Variants in MTF2 observed in about 807,000 individuals in gnomAD.
The protein encoded by MTF2 is metal response element binding transcription factor 2, also known as metal-response element-binding transcription factor 2.
MTF2 carries 11 observed loss-of-function variants against 79.5 expected under a neutral mutation model. That is an observed-to-expected ratio of 0.14 (90% CI 0.09 to 0.23). The LOEUF (loss-of-function observed/expected upper bound fraction) is 0.23. Ranked by LOEUF, MTF2 falls within the 10% of genes least tolerant of loss-of-function variation. The probability of loss-of-function intolerance (pLI) is 1.00; values close to 1 mark genes in which losing one functional copy is unlikely to be tolerated. For synonymous variants in MTF2, 208 were observed against 232.8 expected (o/e 0.89, Z 0.97); for missense variants, 486 against 711.2 (o/e 0.68, Z 3.60).
chr1:93,120,869 A>T, intron 9 of MTF2, 197 bp downstream of exon 9: 1 of 1,271,052 alleles, frequency 7.9e-7, no homozygotes. Flanking sequence ...TTGCCTGTTG[A>T]CTCTGGAAAT....
chr1:93,081,162 G>T (rs892553786), intron 1 of MTF2: 2 of 152,128 alleles, frequency 1.3e-5, no homozygotes, highest in Admixed American at 1.3e-4. Context: ...AGAACTAGTT[G>T]TACAGAAATC....
chr1:93,128,295 C>T (rs1348661006), intron 10 of MTF2, among the ~76,000 whole-genome samples: 1 of 152,054 alleles, frequency 6.6e-6, no homozygotes, highest in African/African-American at 2.4e-5. Flanking sequence ...TGGTGGCTCA[C>T]ACCTGTAATC....
At chr1:93,110,725 G>A in intron 3 of MTF2, 99 bp downstream of exon 3, 1 of 972,662 alleles carries the variant, frequency 1.0e-6, no homozygotes. Flanking sequence ...AGTGTATTTA[G>A]ATAACTCAGT....
At chr1:93,111,135 A>G (rs910584386) in intron 3 of MTF2, among the ~76,000 whole-genome samples, 2 of 152,184 alleles carry the variant, frequency 1.3e-5, no homozygotes, top group African/African-American at 4.8e-5. Context: ...GAATGAAAGT[A>G]TGCCTTGGTT....
chr1:93,126,161 T>G (rs1656688314), intron 9 of MTF2, among the ~76,000 whole-genome samples: 1 of 150,714 alleles, frequency 6.6e-6, no homozygotes, highest in Non-Finnish European at 1.5e-5. Flanking sequence ...TTAACATGTT[T>G]TTTTTTTTTA....
chr1:93,101,230 G>A (rs1557546535), intron 1 of MTF2, among the ~76,000 whole-genome samples: 1 of 152,140 alleles, frequency 6.6e-6, no homozygotes, highest in Non-Finnish European at 1.5e-5. Flanking sequence ...GGTCTCAAGG[G>A]AAGAAACTTA....
Position 93,119,390 on chromosome 1 carries a change from A to G in MTF2, c.786A>G (p.Leu262=), listed in dbSNP as rs1318449426. ...CTGGACCAGAATACCTCAAACGTCT[A>G]CCATTACAGTGGTAAGTGTGGACCT... The part of the protein sequence containing the change: ...CSSGPEYLKR[L]PLQWVDIAHL... Residue 262 remains leucine (L), a synonymous_variant, in exon 8 of 15, where the codon CTA becomes CTG. Coordinates refer to ENST00000370298, the MANE Select transcript of MTF2 (RefSeq NM_007358.4). 8 of 1,602,860 alleles carry G rather than the reference A, an allele frequency of 5.0e-6. No individual in the cohort carries two copies. Among genetic ancestry groups the G allele is most frequent in the Non-Finnish European group, 6.0e-6 (7 of 1,175,100 alleles).
intron 1 of MTF2, among the ~76,000 whole-genome samples, chr1:93,083,124 G>A (rs1654674493): frequency 1.3e-5 from 2 of 152,182 alleles, no homozygotes; most frequent in African/African-American, 4.8e-5. Context: ...GGAGGCCTCA[G>A]GAAACTTCCT....
chr1:93,097,080 G>A (rs1046130399), intron 1 of MTF2, among the ~76,000 whole-genome samples: 1 of 151,926 alleles, frequency 6.6e-6, no homozygotes, highest in Admixed American at 6.6e-5. Context: ...AAGGTGCTGG[G>A]ATTACAGGCC....
chr1:93,101,568 G>GTTGTTTTTTTTTT (rs1655536351), intron 1 of MTF2, among the ~76,000 whole-genome samples: 2 of 25,398 alleles, frequency 7.9e-5, no homozygotes, highest in Non-Finnish European at 1.3e-4. Flanking sequence ...GCTCAGGCTG[G>GTTGTTTTTTTTTT]TTTTTTTTTT....
intron 1 of MTF2, among the ~76,000 whole-genome samples, chr1:93,082,108 A>G (rs1654629731): frequency 6.6e-6 from 1 of 152,196 alleles, no homozygotes; most frequent in Admixed American, 6.5e-5. Context: ...TTAAAATATA[A>G]GATTCTGCTT....
Position 93,134,120 on chromosome 1 carries a change from A to T in MTF2, c.1349A>T (p.Asn450Ile). ...GRTEGTAHSSNTSDVDFTGAS... is the reference protein window; with the variant it reads ...GRTEGTAHSSITSDVDFTGAS... ...ACTGAGGGAACTGCACATTCATCCA[A>T]TACCTCAGATGTGGATTTCACGGGT... The change falls in exon 14 of 15, where the codon AAT becomes ATT. Residue 450 changes from asparagine to isoleucine, a missense_variant. This residue lies in a region of MTF2 where 209 missense variants were observed against 206.5 expected (regional missense o/e 1.01). Coordinates refer to ENST00000370298, the MANE Select transcript of MTF2 (RefSeq NM_007358.4). 2 of 1,613,258 alleles carry T rather than the reference A, an allele frequency of 1.2e-6. No individual in the cohort carries two copies. The highest frequency in any genetic ancestry group is 1.1e-5 in the South Asian group (1 of 90,760).
chr1:93,131,115 A>G (rs1240992501), intron 11 of MTF2, among the ~76,000 whole-genome samples: 1 of 152,148 alleles, frequency 6.6e-6, no homozygotes, highest in African/African-American at 2.4e-5. Flanking sequence ...GGGAGCAAGT[A>G]GAGAGAGAAG....
intron 1 of MTF2, among the ~76,000 whole-genome samples, chr1:93,088,503 C>T (rs1654939301): frequency 6.6e-6 from 1 of 152,116 alleles, no homozygotes. Flanking sequence ...AAATCTATTA[C>T]TGTTTCTAAA....
intron 1 of MTF2, among the ~76,000 whole-genome samples, chr1:93,086,224 C>T (rs1654829866): frequency 6.6e-6 from 1 of 152,078 alleles, no homozygotes; most frequent in African/African-American, 2.4e-5. Context: ...AAGGAGGAGG[C>T]CGGGTGCATT....
intron 1 of MTF2, among the ~76,000 whole-genome samples, chr1:93,080,111 G>C (rs749781607): frequency 1.3e-5 from 2 of 152,104 alleles, no homozygotes; most frequent in Non-Finnish European, 2.9e-5. Flanking sequence ...AGCTTAAAGG[G>C]AAGCGGTGGG....
intron 1 of MTF2, among the ~76,000 whole-genome samples, chr1:93,092,978 C>T (rs960059832): frequency 2.0e-5 from 3 of 151,962 alleles, no homozygotes; most frequent in Non-Finnish European, 4.4e-5. Context: ...GTTAGGAGAT[C>T]GAGATCATCC....
chr1:93,082,677 A>G (rs1302961930), intron 1 of MTF2, among the ~76,000 whole-genome samples: 5 of 152,190 alleles, frequency 3.3e-5, no homozygotes, highest in Non-Finnish European at 7.4e-5. Context: ...AATAAGTTTT[A>G]TTGAGATATA....
At chr1:93,108,606 ATT>A (rs35393630) in intron 1 of MTF2, among the ~76,000 whole-genome samples, 75 of 103,404 alleles carry the variant, frequency 7.3e-4, no homozygotes, top group Non-Finnish European at 9.2e-4. Context: ...TGCTTTCAAG[ATT>A]TTTTTTTTTT....
Sources: allele counts gnomAD v4.1 joint callset (sites outside exome capture counted in the v4.1 genomes callset), GRCh38; gene constraint gnomAD v4.1.1; regional missense constraint gnomAD v4.1.1; transcripts MANE v1.5; gene names NCBI Gene and HGNC (gene_info 2026-07-23, HGNC 2026-07-21).